The following SLCO2B1 variants were observed in gnomAD, a reference collection of about 807,000 sequenced individuals.
SLCO2B1 encodes the protein OATP-RP2.
SLCO2B1 carries 41 observed loss-of-function variants against 67.3 expected under a neutral mutation model. The ratio of observed to expected loss-of-function variants is 0.61; its 90% CI spans 0.47 to 0.79. SLCO2B1 has a LOEUF of 0.79. Ranked by LOEUF, SLCO2B1 falls within the 30% of genes least tolerant of loss-of-function variation. SLCO2B1 has a pLI of 0.00. For missense variants in SLCO2B1, 837 were observed against 920.1 expected (o/e 0.91, Z 1.17); for synonymous variants, 379 against 381.4 (o/e 0.99, Z 0.07).
intron 11 of SLCO2B1, chr11:75,201,329 AAC>A (rs1945179313): frequency 1.3e-5 from 2 of 152,144 alleles, no homozygotes; most frequent in African/African-American, 2.4e-5. Flanking sequence ...GGCTGAGAAA[AAC>A]AGTTTTTCTA....
chr11:75,158,108 G>A (rs974140099), intron 1 of SLCO2B1, among the ~76,000 whole-genome samples: 1 of 152,098 alleles, frequency 6.6e-6, no homozygotes, highest in Non-Finnish European at 1.5e-5. Flanking sequence ...AGGGTCTCAC[G>A]CTGTCGCCCA....
intron 5 of SLCO2B1, 77 bp downstream of exon 5, chr11:75,169,483 G>A: frequency 1.5e-6 from 2 of 1,377,930 alleles, no homozygotes; most frequent in Non-Finnish European, 2.0e-6. Flanking sequence ...CCAGGGTTGG[G>A]GCTGGAGATG....
chr11:75,173,152 A>G (rs932480155), intron 7 of SLCO2B1, among the ~76,000 whole-genome samples: 5 of 152,168 alleles, frequency 3.3e-5, no homozygotes, highest in African/African-American at 1.2e-4. Flanking sequence ...ATGCCCCCAT[A>G]CTAACCACTA....
At chr11:75,202,712 A>C (rs1945200445) in intron 11 of SLCO2B1, 189 bp from the exon 12 acceptor site, 1 of 618,030 alleles carries the variant, frequency 1.6e-6, no homozygotes, top group Admixed American at 2.7e-5. Context: ...TGTATATGGG[A>C]CCAGGCTCTG....
In SLCO2B1 at chr11:75,169,033, A is replaced by G. The variant is rs1180808276; in HGVS notation, c.449-140A>G. On this transcript the variant is annotated intron_variant, in intron 4 of 13. Coordinates refer to ENST00000289575, the MANE Select transcript of SLCO2B1 (RefSeq NM_007256.5). Reference sequence around the variant, plus strand: ...TTTCCTCACCTATGAAACAGGCATAATGAGAGCACTCACCCTTGAGGTTTG... The same window carrying G: ...TTTCCTCACCTATGAAACAGGCATAGTGAGAGCACTCACCCTTGAGGTTTG... The G allele has an allele frequency of 1.5e-5, 10 of 652,586 alleles. 1 individual carries two copies. The South Asian group carries it at 2.0e-4, about 13-fold the overall frequency. 40.4% of individuals were successfully genotyped at this position (652,586 alleles called of 1,614,324 possible).
chr11:75,186,937 C>T (rs1482520006), intron 7 of SLCO2B1, among the ~76,000 whole-genome samples: 1 of 152,166 alleles, frequency 6.6e-6, no homozygotes, highest in Non-Finnish European at 1.5e-5. Context: ...GGCTCTGGAG[C>T]CAAGCCGTCT....
intron 7 of SLCO2B1, among the ~76,000 whole-genome samples, chr11:75,176,937 G>C (rs536865323): frequency 1.3e-5 from 2 of 152,302 alleles, no homozygotes; most frequent in Middle Eastern, 3.4e-3. Context: ...ACAGCACCAC[G>C]GGCCCTTGCA....
In SLCO2B1 at chr11:75,196,678, A is replaced by G; in HGVS notation, c.1598A>G (p.Gln533Arg). Reference protein sequence around the residue: ...WVVQDALDNSQVFYTNCSCVV... With the variant: ...WVVQDALDNSRVFYTNCSCVV... ...GTCCAGGATGCTCTGGACAACAGCC[A>G]GGTGAGTCAGGCCTCTCGTGGCAAC... The change falls in exon 10 of 14, where the codon CAG (glutamine) becomes CGG (arginine). Residue 533 changes from glutamine to arginine, a missense_variant and splice_region_variant. Gln to Arg is a conservative substitution (Grantham distance 43). Transcript: ENST00000289575. The G allele has an allele frequency of 6.2e-7, 1 of 1,612,474 alleles. No homozygotes were observed. The highest frequency in any genetic ancestry group is 8.5e-7 in the Non-Finnish European group (1 of 1,179,292).
chr11:75,186,025 G>A (rs1177609716), intron 7 of SLCO2B1, among the ~76,000 whole-genome samples: 1 of 152,122 alleles, frequency 6.6e-6, no homozygotes, highest in Non-Finnish European at 1.5e-5. Flanking sequence ...TAGAGGCTAA[G>A]AATGCCTGAC....
intron 7 of SLCO2B1, among the ~76,000 whole-genome samples, chr11:75,178,997 T>C (rs12099055): frequency 0.041 from 6,306 of 152,244 alleles, 467 homozygotes; most frequent in African/African-American, 0.14. Context: ...TACTACATTT[T>C]CTTTATCCAT....
chr11:75,154,464 C>T (rs1333820330), intron 1 of SLCO2B1, among the ~76,000 whole-genome samples: 1 of 152,130 alleles, frequency 6.6e-6, no homozygotes, highest in African/African-American at 2.4e-5. Context: ...TGCACCATTG[C>T]ACTCCAGCCT....
At chr11:75,194,362 C>T (rs1396216812) in intron 9 of SLCO2B1, among the ~76,000 whole-genome samples, 1 of 152,206 alleles carries the variant, frequency 6.6e-6, no homozygotes, top group East Asian at 1.9e-4. Flanking sequence ...GCCCAACACT[C>T]GGCTAGAATT....
At position 75,158,204 on chromosome 11, in the gene SLCO2B1, A is replaced by G. The variant is rs186326315; in HGVS notation, c.17-4451A>G. On this transcript the variant is annotated intron_variant, in intron 1 of 13. Coordinates refer to ENST00000289575, the MANE Select transcript of SLCO2B1 (RefSeq NM_007256.5). ...ATCCTCTTGCCTCGGCCTCCCGAGT[A>G]GCTGGGATTACAGGCATGCACCACC... 4.6e-5 allele frequency among the ~76,000 whole-genome samples: 7 copies of G among 152,300 alleles called. No homozygotes were observed. In the East Asian group the frequency reaches 1.3e-3, roughly 29 times the overall value.
intron 9 of SLCO2B1, among the ~76,000 whole-genome samples, chr11:75,194,286 G>A (rs1945069059): frequency 6.6e-6 from 1 of 152,198 alleles, no homozygotes; most frequent in Non-Finnish European, 1.5e-5. Flanking sequence ...GATGTTGGAA[G>A]TCACATTCCT....
At chr11:75,192,359 C>T (rs776198202) in intron 8 of SLCO2B1, among the ~76,000 whole-genome samples, 10 of 152,160 alleles carry the variant, frequency 6.6e-5, no homozygotes, top group Non-Finnish European at 1.2e-4. Flanking sequence ...AGAAGGCTTA[C>T]GTTCTGGTAG....
chr11:75,196,382 C>T, intron 9 of SLCO2B1, 132 bp from the exon 10 acceptor site: 1 of 900,032 alleles, frequency 1.1e-6, no homozygotes, highest in Non-Finnish European at 1.7e-6. Flanking sequence ...TCGGGCAGCC[C>T]TGATGATGAA....
At chr11:75,161,166 T>G (rs1949815347) in intron 1 of SLCO2B1, among the ~76,000 whole-genome samples, 1 of 152,226 alleles carries the variant, frequency 6.6e-6, no homozygotes, top group African/African-American at 2.4e-5. Context: ...GAAAACATTA[T>G]GCTAAGTGAA....
At chr11:75,184,170 C>T (rs1292476759) in intron 7 of SLCO2B1, among the ~76,000 whole-genome samples, 1 of 152,126 alleles carries the variant, frequency 6.6e-6, no homozygotes, top group East Asian at 1.9e-4. Context: ...ATTGGCTATA[C>T]CCACTTCTGG....
intron 1 of SLCO2B1, among the ~76,000 whole-genome samples, chr11:75,155,915 G>T (rs575170601): frequency 2.0e-5 from 3 of 152,160 alleles, no homozygotes; most frequent in Non-Finnish European, 4.4e-5. Context: ...ATGCTCACTA[G>T]GGTGGGGGGT....
Sources: gnomAD v4.1 joint callset for allele counts (sites outside exome capture counted in the v4.1 genomes callset) on GRCh38, gnomAD v4.1.1 for gene constraint, MANE v1.5 for transcripts, NCBI Gene and HGNC (gene_info 2026-07-23, HGNC 2026-07-21) for gene names.